Variants in CDH13 observed in about 807,000 individuals in gnomAD.
The protein encoded by CDH13 is cadherin 13.
A neutral mutation model predicts 63.8 loss-of-function variants in CDH13; 24 were observed. The observed-to-expected ratio is 0.38, with a 90% CI of 0.27 to 0.53. The LOEUF (loss-of-function observed/expected upper bound fraction) is 0.53, where lower values mean the gene tolerates loss of function less well. Among genes scored for constraint, CDH13 ranks in the 20% least tolerant of loss-of-function variants. The pLI is 0.85. For missense variants in CDH13, 1,049 were observed against 903.1 expected, an observed-to-expected ratio of 1.16 and a Z score of -2.07; for synonymous variants, 503 against 355.3, an observed-to-expected ratio of 1.42 and a Z score of -4.67.
chr16:83,544,281 T>C (rs984795586), intron 7 of CDH13, among the ~76,000 whole-genome samples: 8 of 152,178 alleles, frequency 5.3e-5, no homozygotes, highest in Middle Eastern at 3.2e-3. Context: ...TATAGGACGA[T>C]TGAGTCTGTG....
intron 6 of CDH13, among the ~76,000 whole-genome samples, chr16:83,403,657 T>G (rs1355090921): frequency 5.3e-5 from 8 of 151,966 alleles, no homozygotes; most frequent in Non-Finnish European, 1.2e-4. Flanking sequence ...AATGTAAATG[T>G]AGAAACCTTT....
intron 6 of CDH13, among the ~76,000 whole-genome samples, chr16:83,467,546 A>C (rs1020440243): frequency 2.0e-5 from 3 of 152,222 alleles, no homozygotes; most frequent in Non-Finnish European, 4.4e-5. Flanking sequence ...CCAAGAACAG[A>C]ACTGGCAACC....
At chr16:83,613,204 C>T (rs1909006235) in intron 8 of CDH13, among the ~76,000 whole-genome samples, 1 of 152,204 alleles carries the variant, frequency 6.6e-6, no homozygotes, top group African/African-American at 2.4e-5. Flanking sequence ...TCTCTTTTCT[C>T]TGGCTGCTTT....
At chr16:83,233,934 A>T (rs2040075236) in intron 5 of CDH13, among the ~76,000 whole-genome samples, 2 of 152,320 alleles carry the variant, frequency 1.3e-5, no homozygotes, top group South Asian at 2.1e-4. Context: ...TGGGTTAGGA[A>T]CTTGTTCAAG....
intron 2 of CDH13, among the ~76,000 whole-genome samples, chr16:82,875,620 A>T (rs2040478726): frequency 6.6e-6 from 1 of 152,220 alleles, no homozygotes; most frequent in South Asian, 2.1e-4. Flanking sequence ...GAAAAATGTC[A>T]AATATAGTTT....
chr16:83,492,495 A>AT (rs548219069), intron 7 of CDH13, among the ~76,000 whole-genome samples: 31 of 152,112 alleles, frequency 2.0e-4, no homozygotes, highest in East Asian at 3.9e-4. Context: ...AATTTTCCCC[A>AT]TTTTTTTTAT....
At chr16:83,744,074 G>C (rs1485714405) in intron 10 of CDH13, among the ~76,000 whole-genome samples, 1 of 152,124 alleles carries the variant, frequency 6.6e-6, no homozygotes, top group Non-Finnish European at 1.5e-5. Context: ...AGGTTGTCAT[G>C]AGTCACAAAA....
intron 10 of CDH13, among the ~76,000 whole-genome samples, chr16:83,712,876 A>G (rs976953893): frequency 3.9e-5 from 6 of 152,242 alleles, no homozygotes; most frequent in African/African-American, 1.4e-4. Context: ...AGCCCTATTA[A>G]GTTTGTTGGT....
At chr16:83,314,823 A>T (rs1597727011) in intron 5 of CDH13, among the ~76,000 whole-genome samples, 1 of 152,192 alleles carries the variant, frequency 6.6e-6, no homozygotes, top group South Asian at 2.1e-4. Context: ...GAGCTTTGGG[A>T]TGCTTGTATG....
chr16:83,690,002 A>G (rs926059269), intron 10 of CDH13, among the ~76,000 whole-genome samples: 1 of 152,172 alleles, frequency 6.6e-6, no homozygotes, highest in Admixed American at 6.5e-5. Context: ...CCTGACCAAC[A>G]TGGTGAAACC....
chr16:82,933,110 T>C (rs2042551713), intron 2 of CDH13, among the ~76,000 whole-genome samples: 1 of 152,142 alleles, frequency 6.6e-6, no homozygotes, highest in Admixed American at 6.5e-5. Flanking sequence ...GGGAGTGATA[T>C]TGGCAGTTAC....
At chr16:83,324,047 T>TTA (rs1195510859) in intron 5 of CDH13, among the ~76,000 whole-genome samples, 25 of 151,496 alleles carry the variant, frequency 1.7e-4, no homozygotes, top group Non-Finnish European at 2.2e-4. Context: ...CTTCTTTTTT[T>TTA]TTTTTTTTGA....
At chr16:83,027,958 A>C (rs1436747819) in intron 2 of CDH13, among the ~76,000 whole-genome samples, 1 of 152,188 alleles carries the variant, frequency 6.6e-6, no homozygotes, top group African/African-American at 2.4e-5. Flanking sequence ...TTATAACCTC[A>C]GCATCTAGCA....
At chr16:82,690,981 A>G (rs1915589330) in intron 1 of CDH13, among the ~76,000 whole-genome samples, 1 of 152,240 alleles carries the variant, frequency 6.6e-6, no homozygotes, top group Admixed American at 6.5e-5. Context: ...AAGCCAGCCA[A>G]TGTCTATAAA....
chr16:82,862,130 A>G (rs906285295), intron 2 of CDH13, among the ~76,000 whole-genome samples: 3 of 152,172 alleles, frequency 2.0e-5, no homozygotes, highest in African/African-American at 4.8e-5. Context: ...ATCTCCCTCA[A>G]ATTGCCCAGC....
chr16:83,191,102 T>G (rs574840193), intron 4 of CDH13, among the ~76,000 whole-genome samples: 4 of 151,516 alleles, frequency 2.6e-5, no homozygotes, highest in African/African-American at 9.7e-5. Context: ...GGATAGTTTC[T>G]TAACCTAAAC....
chr16:83,340,167 T>C (rs775403678), intron 5 of CDH13, among the ~76,000 whole-genome samples: 19 of 152,370 alleles, frequency 1.2e-4, no homozygotes, highest in Non-Finnish European at 2.2e-4. Context: ...AGACAAAATA[T>C]GATTTTTAAG....
At chr16:83,068,080 C>G (rs545420058) in intron 3 of CDH13, among the ~76,000 whole-genome samples, 4 of 152,296 alleles carry the variant, frequency 2.6e-5, no homozygotes, top group African/African-American at 9.6e-5. Flanking sequence ...ACAAGGAGGA[C>G]TTGGCAAAAC....
At chr16:83,319,309 C>T (rs186262878) in intron 5 of CDH13, among the ~76,000 whole-genome samples, 53 of 152,240 alleles carry the variant, frequency 3.5e-4, no homozygotes, top group Non-Finnish European at 5.7e-4. Context: ...GCATTCCTTC[C>T]GAAGGCGTTT....
Sources: gnomAD v4.1 joint callset for allele counts (sites outside exome capture counted in the v4.1 genomes callset) on GRCh38, gnomAD v4.1.1 for gene constraint, MANE v1.5 for transcripts, NCBI Gene and HGNC (gene_info 2026-07-23, HGNC 2026-07-21) for gene names.